ADARB2: variants seen among roughly 807,000 people sequenced by gnomAD.
ADARB2 encodes the protein adenosine deaminase RNA specific B2 (inactive).
ADARB2 carries 25 observed loss-of-function variants against 62.2 expected under a neutral mutation model. That is an observed-to-expected ratio of 0.40 (90% CI 0.29 to 0.56). The LOEUF is 0.56. ADARB2 is among the 20% of genes least tolerant of loss of function. The pLI is 0.43. For missense variants in ADARB2, 1,071 were observed against 1,077.4 expected (o/e 0.99, Z 0.08); for synonymous variants, 572 against 500.8 (o/e 1.14, Z -1.90).
chr10:1,199,097 C>T (rs1431085259), intron 8 of ADARB2, among the ~76,000 whole-genome samples: 1 of 152,196 alleles, frequency 6.6e-6, no homozygotes, highest in Admixed American at 6.5e-5. Flanking sequence ...CACATATCTG[C>T]CTGATTCTGC....
At chr10:1,305,676 C>T (rs1831620256) in intron 3 of ADARB2, among the ~76,000 whole-genome samples, 1 of 151,748 alleles carries the variant, frequency 6.6e-6, no homozygotes, top group African/African-American at 2.4e-5. Flanking sequence ...AAACCGAATC[C>T]AGCAGCACAT....
rs144248814 is a variant in ADARB2, at chr10:1,693,104, A to G, written c.100+43947T>C. Among the ~76,000 whole-genome samples, 310 of 152,232 alleles carry G rather than the reference A, an allele frequency of 2.0e-3. 7 individuals carry two copies. Among genetic ancestry groups the G allele is most frequent in the East Asian group, 0.014 (73 of 5,178 alleles). ...GGAACTCATCAGCACCCGTGAGCCA[A>G]CTCCCTCAGGTGTTTCTAAGCCTTT... On this transcript the variant is annotated intron_variant, in intron 1 of 9. Transcript: ENST00000381312.
intron 1 of ADARB2, among the ~76,000 whole-genome samples, chr10:1,638,326 A>G (rs1305641960): frequency 6.6e-6 from 1 of 152,234 alleles, no homozygotes; most frequent in African/African-American, 2.4e-5. Context: ...ACAAGAAGTT[A>G]ATTTAAATGC....
chr10:1,177,493 A>T lies in ADARB2; in HGVS notation c.*5700T>A. ...ATTGATACAATATTGCCATTCTATC[A>T]TGCTTTTTATGTACATACCTTCAAT... On this transcript the variant is annotated 3_prime_UTR_variant, in exon 10 of 10. Coordinates refer to ENST00000381312, the MANE Select transcript of ADARB2 (RefSeq NM_018702.4). 6.6e-6 allele frequency: 1 copy of T among 152,158 alleles called. No homozygotes were observed. Among genetic ancestry groups the T allele is most frequent in the Non-Finnish European group, 1.5e-5 (1 of 68,036 alleles). The allele number at this position is 152,158 out of a possible 1,614,324, so 9.4% of individuals were successfully genotyped here.
intron 8 of ADARB2, among the ~76,000 whole-genome samples, chr10:1,186,108 A>G (rs944059091): frequency 2.0e-5 from 3 of 152,156 alleles, no homozygotes; most frequent in Non-Finnish European, 4.4e-5. Flanking sequence ...CCGCCAATTC[A>G]TTGTCTCTTT....
At chr10:1,450,042 C>T (rs949441237) in intron 1 of ADARB2, among the ~76,000 whole-genome samples, 3 of 152,150 alleles carry the variant, frequency 2.0e-5, no homozygotes, top group African/African-American at 2.4e-5. Context: ...AGGAGGCTGC[C>T]GCCAGTATGA....
chr10:1,634,791 C>G (rs1833893111), intron 1 of ADARB2, among the ~76,000 whole-genome samples: 1 of 152,182 alleles, frequency 6.6e-6, no homozygotes, highest in Non-Finnish European at 1.5e-5. Flanking sequence ...CACTGGTTAA[C>G]TGAAAGCAAT....
At chr10:1,190,191 G>C (rs1046699744) in intron 8 of ADARB2, among the ~76,000 whole-genome samples, 1 of 151,450 alleles carries the variant, frequency 6.6e-6, no homozygotes, top group African/African-American at 2.5e-5. Flanking sequence ...GGAGAAACGC[G>C]TCCTCCCAAG....
intron 1 of ADARB2, among the ~76,000 whole-genome samples, chr10:1,548,268 T>C (rs1461997976): frequency 1.3e-5 from 2 of 152,188 alleles, no homozygotes; most frequent in African/African-American, 4.8e-5. Flanking sequence ...CAAGGATGTC[T>C]GGAGGCAAAT....
intron 1 of ADARB2, among the ~76,000 whole-genome samples, chr10:1,664,329 C>A (rs540865903): frequency 6.6e-6 from 1 of 152,088 alleles, no homozygotes; most frequent in Non-Finnish European, 1.5e-5. Flanking sequence ...TCAAGGTATG[C>A]ACTTGCTGAA....
intron 1 of ADARB2, among the ~76,000 whole-genome samples, chr10:1,548,662 G>T (rs906515389): frequency 5.9e-5 from 9 of 152,208 alleles, no homozygotes; most frequent in African/African-American, 2.2e-4. Context: ...CGTCCAGTAA[G>T]TGTAGGGGGA....
intron 1 of ADARB2, among the ~76,000 whole-genome samples, chr10:1,681,118 C>T (rs1395012713): frequency 6.6e-6 from 1 of 152,216 alleles, no homozygotes; most frequent in Non-Finnish European, 1.5e-5. Context: ...GACGCAGCAA[C>T]CTCATCTTAG....
Position 1,650,923 on chromosome 10 carries a change from A to C in ADARB2, c.100+86128T>G, listed in dbSNP as rs149971446. Among the ~76,000 whole-genome samples, 643 of 152,164 alleles carry C rather than the reference A, an allele frequency of 4.2e-3. 7 individuals are homozygous for C. The highest frequency in any genetic ancestry group is 0.015 in the African/African-American group (624 of 41,506). Reference sequence around the variant, plus strand: ...GGAGCAGCTTTTCCCGGCTCATGTGAGGGCTGGCCAGCCACACAGCACCAG... The same window carrying C: ...GGAGCAGCTTTTCCCGGCTCATGTGCGGGCTGGCCAGCCACACAGCACCAG... On this transcript the variant is annotated intron_variant, in intron 1 of 9. Coordinates refer to ENST00000381312, the MANE Select transcript of ADARB2 (RefSeq NM_018702.4).
chr10:1,564,930 G>T (rs1048550645), intron 1 of ADARB2, among the ~76,000 whole-genome samples: 5 of 152,182 alleles, frequency 3.3e-5, no homozygotes, highest in Non-Finnish European at 5.9e-5. Flanking sequence ...AATTTCTAGA[G>T]AATTTGAGCA....
At chr10:1,467,802 C>CT (rs566232264) in intron 1 of ADARB2, among the ~76,000 whole-genome samples, 1 of 152,204 alleles carries the variant, frequency 6.6e-6, no homozygotes, top group Non-Finnish European at 1.5e-5. Context: ...CCATCCTGTG[C>CT]TTTTGAGTCG....
Position 1,240,178 on chromosome 10 carries a change from CT to C in ADARB2, c.1361+1952del, listed in dbSNP as rs796072978. ...CCTCTGCCTCCCGGTGTTTACTCCC[CT>C]CTGCCTCCCGGTGTTTACTCCCCCC... On this transcript the variant is annotated intron_variant, in intron 5 of 9. Transcript: ENST00000381312. Among the ~76,000 whole-genome samples the C allele has an allele frequency of 4.1e-3, 99 of 23,988 alleles. 27 individuals carry two copies. The highest frequency in any genetic ancestry group is 4.5e-3 in the Non-Finnish European group (59 of 13,002). The allele number at this position is 23,988 out of a possible 152,430, so 15.7% of individuals were successfully genotyped here.
At chr10:1,310,370 A>ACTTCACTGACTCTGAATAACATTC (rs1564253723) in intron 3 of ADARB2, among the ~76,000 whole-genome samples, 94 of 151,548 alleles carry the variant, frequency 6.2e-4, no homozygotes, top group Admixed American at 2.2e-3. Flanking sequence ...AATGAGAAAA[A>ACTTCACTGACTCTGAATAACATTC]CTTCATTGAC....
At chr10:1,545,523 C>T (rs950104586) in intron 1 of ADARB2, among the ~76,000 whole-genome samples, 3 of 152,118 alleles carry the variant, frequency 2.0e-5, no homozygotes, top group Non-Finnish European at 2.9e-5. Flanking sequence ...ACCTTGACTG[C>T]GAATTTTGTC....
At chr10:1,539,297 A>C (rs1291816033) in intron 1 of ADARB2, among the ~76,000 whole-genome samples, 1 of 152,230 alleles carries the variant, frequency 6.6e-6, no homozygotes, top group African/African-American at 2.4e-5. Flanking sequence ...GTGAGCATGA[A>C]GGGGCCTGGA....
Sources: gnomAD v4.1 joint callset for allele counts (sites outside exome capture counted in the v4.1 genomes callset) on GRCh38, gnomAD v4.1.1 for gene constraint, MANE v1.5 for transcripts, NCBI Gene and HGNC (gene_info 2026-07-23, HGNC 2026-07-21) for gene names.